CFAP77: variants seen among roughly 807,000 people sequenced by gnomAD.
CFAP77 encodes the protein cilia and flagella associated protein 77, also known as cilia- and flagella-associated protein 77.
A neutral mutation model predicts 31.1 loss-of-function variants in CFAP77; 25 were observed. The observed-to-expected ratio is 0.80, with a 90% CI of 0.59 to 1.12. The LOEUF is 1.12. CFAP77 is among the 50% of genes most tolerant of loss of function. The pLI is 0.00. For synonymous variants in CFAP77, 151 were observed against 159.9 expected (o/e 0.94, Z 0.42); for missense variants, 377 against 397.3 (o/e 0.95, Z 0.44).
intron 5 of CFAP77, among the ~76,000 whole-genome samples, chr9:132,547,836 T>C (rs1852758244): frequency 6.6e-6 from 1 of 152,184 alleles, no homozygotes; most frequent in Middle Eastern, 3.2e-3. Context: ...TCCTTGCCTT[T>C]TGCAGAAACT....
intron 3 of CFAP77, among the ~76,000 whole-genome samples, chr9:132,536,193 G>A (rs1196307516): frequency 1.3e-5 from 2 of 152,032 alleles, no homozygotes; most frequent in Non-Finnish European, 2.9e-5. Flanking sequence ...AAAACTTAGG[G>A]GAGCTGGGAG....
chr9:132,426,755 G>A (rs1024464081), intron 1 of CFAP77, among the ~76,000 whole-genome samples: 4 of 152,152 alleles, frequency 2.6e-5, no homozygotes, highest in Non-Finnish European at 5.9e-5. Flanking sequence ...CTGTGCTACC[G>A]AATTCATTTG....
chr9:132,524,795 C>T (rs985569158), intron 3 of CFAP77, among the ~76,000 whole-genome samples: 1 of 128,316 alleles, frequency 7.8e-6, no homozygotes, highest in Non-Finnish European at 1.8e-5. Context: ...ACTACAGGCG[C>T]CCGCCACCAC....
chr9:132,422,994 C>T (rs1292368439), intron 1 of CFAP77, among the ~76,000 whole-genome samples: 1 of 152,182 alleles, frequency 6.6e-6, no homozygotes, highest in Non-Finnish European at 1.5e-5. Context: ...AAGTCCGCCG[C>T]GCTCCGTATT....
intron 5 of CFAP77, among the ~76,000 whole-genome samples, chr9:132,550,726 G>T (rs1345046882): frequency 2.6e-5 from 4 of 151,892 alleles, no homozygotes; most frequent in African/African-American, 9.7e-5. Flanking sequence ...ATGTTGCCCA[G>T]GTTCCTTCTG....
chr9:132,418,163 G>A (rs191784604), intron 1 of CFAP77, among the ~76,000 whole-genome samples: 38 of 152,344 alleles, frequency 2.5e-4, no homozygotes, highest in Non-Finnish European at 3.4e-4. Context: ...AAAGTGGAAC[G>A]AGGCCAGGAG....
At chr9:132,508,820 A>G (rs1463591405) in intron 3 of CFAP77, among the ~76,000 whole-genome samples, 1 of 152,140 alleles carries the variant, frequency 6.6e-6, no homozygotes, top group African/African-American at 2.4e-5. Flanking sequence ...TATTCTACAG[A>G]TGGGGAAACT....
At chr9:132,492,348 C>T (rs1420603078) in intron 1 of CFAP77, among the ~76,000 whole-genome samples, 1 of 152,200 alleles carries the variant, frequency 6.6e-6, no homozygotes, top group East Asian at 1.9e-4. Context: ...GCAGACTTTA[C>T]CTGGGCTTCT....
chr9:132,477,170 T>C (rs1472611185), intron 1 of CFAP77, among the ~76,000 whole-genome samples: 1 of 152,198 alleles, frequency 6.6e-6, no homozygotes, highest in East Asian at 1.9e-4. Flanking sequence ...GGACACCTAG[T>C]TGATTACTGA....
At chr9:132,507,757 G>A (rs1377094026) in intron 3 of CFAP77, among the ~76,000 whole-genome samples, 1 of 152,098 alleles carries the variant, frequency 6.6e-6, no homozygotes, top group Non-Finnish European at 1.5e-5. Flanking sequence ...CCAGAGATCC[G>A]AGGCAGTTTC....
At chr9:132,417,882 A>AT (rs890563749) in intron 1 of CFAP77, among the ~76,000 whole-genome samples, 2 of 7,724 alleles carry the variant, frequency 2.6e-4, no homozygotes, top group Non-Finnish European at 4.2e-3. Flanking sequence ...AAGTGCTTAC[A>AT]TTTTCCCCCT....
At chr9:132,548,623 A>G (rs1354878191) in intron 5 of CFAP77, among the ~76,000 whole-genome samples, 1 of 151,940 alleles carries the variant, frequency 6.6e-6, no homozygotes, top group Non-Finnish European at 1.5e-5. Context: ...CTATGTTATA[A>G]TTAGAGACCC....
chr9:132,548,584 T>C (rs1852772494), intron 5 of CFAP77, among the ~76,000 whole-genome samples: 2 of 152,164 alleles, frequency 1.3e-5, no homozygotes, highest in African/African-American at 4.8e-5. Flanking sequence ...GCCTGCTGAC[T>C]TCCGGAGCCT....
chr9:132,463,075 CAGA>C (rs1267752460), intron 1 of CFAP77, among the ~76,000 whole-genome samples: 1 of 151,994 alleles, frequency 6.6e-6, no homozygotes, highest in Non-Finnish European at 1.5e-5. Context: ...CAGGAGCATA[CAGA>C]AGAAGTATAT....
Position 132,481,578 on chromosome 9 carries a change from T to A in CFAP77, c.196-17117T>A, listed in dbSNP as rs1851447472. On this transcript the variant is annotated intron_variant, in intron 1 of 5. Coordinates refer to ENST00000393216, the MANE Select transcript of CFAP77 (RefSeq NM_001282957.2). The surrounding 1 kb of genome is among the most constrained non-coding windows in gnomAD (Gnocchi z 5.0). ...AAGCATTGCTGCTGAGGCCTCTGCA[T>A]CATCTGCCCTAGGAAATGTCAACCC... Among the ~76,000 whole-genome samples, 1 of 152,134 alleles carries A rather than the reference T, an allele frequency of 6.6e-6. No homozygotes were observed. The highest frequency in any genetic ancestry group is 1.5e-5 in the Non-Finnish European group (1 of 68,032).
intron 5 of CFAP77, among the ~76,000 whole-genome samples, chr9:132,558,441 A>AGG (rs1276106672): frequency 1.3e-5 from 2 of 152,220 alleles, no homozygotes; most frequent in Non-Finnish European, 2.9e-5. Flanking sequence ...GTGGTGGCTC[A>AGG]TGCCTGTAAT....
chr9:132,425,270 T>G (rs1850293713), intron 1 of CFAP77, among the ~76,000 whole-genome samples: 1 of 152,114 alleles, frequency 6.6e-6, no homozygotes, highest in African/African-American at 2.4e-5. Context: ...ACTTTTCCAA[T>G]CAAGTGGAAG....
intron 1 of CFAP77, among the ~76,000 whole-genome samples, chr9:132,488,008 G>T (rs1255228503): frequency 3.9e-5 from 6 of 152,140 alleles, no homozygotes. Flanking sequence ...GTATGCATGG[G>T]TCTAGCTATA....
At chr9:132,548,317 C>G (rs950272428) in intron 5 of CFAP77, among the ~76,000 whole-genome samples, 2 of 151,950 alleles carry the variant, frequency 1.3e-5, no homozygotes, top group African/African-American at 4.8e-5. Context: ...CTCTGATGCT[C>G]TTTTCTATAT....
Sources: gnomAD v4.1 joint callset for allele counts (sites outside exome capture counted in the v4.1 genomes callset) on GRCh38, gnomAD v4.1.1 for gene constraint, Gnocchi (gnomAD v3.1) non-coding constraint, MANE v1.5 for transcripts, NCBI Gene and HGNC (gene_info 2026-07-23, HGNC 2026-07-21) for gene names.